The following COL4A5 variants were observed in gnomAD, a reference collection of about 807,000 sequenced individuals.
COL4A5 encodes collagen type IV alpha 5 chain.
Under a neutral mutation model 130.2 loss-of-function variants are expected in COL4A5, and 26 were observed. That is an observed-to-expected ratio of 0.20 (90% CI 0.15 to 0.28). The LOEUF (loss-of-function observed/expected upper bound fraction) is 0.28, where lower values mean the gene tolerates loss of function less well. COL4A5 is among the 10% of genes least tolerant of loss of function. The pLI, the probability that COL4A5 is intolerant of heterozygous loss-of-function variation, is 1.00. For missense variants in COL4A5, 1,131 were observed against 1,344.3 expected (o/e 0.84, Z 2.48); for synonymous variants, 496 against 439.6 (o/e 1.13, Z -1.60).
chrX:108,528,417 G>A (rs1204580119), intron 1 of COL4A5, among the ~76,000 whole-genome samples: 1 of 112,518 alleles, frequency 8.9e-6, no homozygotes, highest in East Asian at 2.8e-4. Flanking sequence ...AGAAATGATT[G>A]TTACACCAGA....
chrX:108,603,683 A>G (rs957558844), intron 28 of COL4A5, among the ~76,000 whole-genome samples: 3 of 111,381 alleles, frequency 2.7e-5, no homozygotes, highest in Admixed American at 9.6e-5. Context: ...TAAGACAACA[A>G]TGAAGTTTGC....
At chrX:108,596,788 G>A (rs762577914) in intron 22 of COL4A5, among the ~76,000 whole-genome samples, 1 of 112,210 alleles carries the variant, frequency 8.9e-6, no homozygotes, top group South Asian at 3.7e-4. Flanking sequence ...AACATGAAAT[G>A]TTAAATTTAT....
intron 2 of COL4A5, among the ~76,000 whole-genome samples, chrX:108,544,397 A>G (rs1384215943): frequency 8.9e-6 from 1 of 112,285 alleles, no homozygotes; most frequent in Non-Finnish European, 1.9e-5. Context: ...TTCTGTTTAT[A>G]TGCTGGATTA....
chrX:108,598,010 G>C, intron 24 of COL4A5, among the ~76,000 whole-genome samples: 1 of 110,052 alleles, frequency 9.1e-6, no homozygotes, highest in Non-Finnish European at 1.9e-5. Flanking sequence ...GGCCAACATG[G>C]TGAAACCCTG....
chrX:108,495,508 C>T (rs766981494), intron 1 of COL4A5, among the ~76,000 whole-genome samples: 11 of 110,823 alleles, frequency 9.9e-5, no homozygotes, highest in Non-Finnish European at 1.9e-4. Context: ...CAATAAAACC[C>T]CCCCAAATCC....
rs747041833 is a variant in COL4A5, at chrX:108,694,826, C to G, written c.4726C>G (p.Pro1576Ala). The G allele has an allele frequency of 2.5e-6, 3 of 1,206,466 alleles. No homozygotes were observed. Among genetic ancestry groups the G allele is most frequent in the Admixed American group, 2.2e-5 (1 of 45,679 alleles). Reference sequence around the variant, plus strand: ...TACCAGATGTGCAGTATGTGAAGCTCCAGCTGTGGTGATCGCAGTTCACAG... The same window carrying G: ...TACCAGATGTGCAGTATGTGAAGCTGCAGCTGTGGTGATCGCAGTTCACAG... ...FISRCAVCEA[P>A]AVVIAVHSQT... Residue 1576 changes from proline to alanine, a missense_variant, in exon 51 of 53, where the codon CCA becomes GCA. Coordinates refer to ENST00000328300, the MANE Select transcript of COL4A5 (RefSeq NM_033380.3).
intron 36 of COL4A5, among the ~76,000 whole-genome samples, chrX:108,650,851 A>G (rs1317483557): frequency 9.1e-6 from 1 of 110,174 alleles, no homozygotes; most frequent in Non-Finnish European, 1.9e-5. Context: ...TGATGGGTGC[A>G]CCAAAATCTC....
At chrX:108,620,484 C>A in intron 31 of COL4A5, 58 bp downstream of exon 31, 1 of 968,930 alleles carries the variant, frequency 1.0e-6, no homozygotes, top group Non-Finnish European at 1.5e-6. Flanking sequence ...TAATACGACT[C>A]TGGTAGATAA....
intron 36 of COL4A5, among the ~76,000 whole-genome samples, chrX:108,630,009 A>G (rs1202257777): frequency 8.9e-6 from 1 of 111,814 alleles, no homozygotes; most frequent in East Asian, 2.8e-4. Flanking sequence ...ATGGCTGCAT[A>G]GTATTCCATG....
At chrX:108,585,063 T>C (rs1424737248) in intron 18 of COL4A5, among the ~76,000 whole-genome samples, 1 of 112,119 alleles carries the variant, frequency 8.9e-6, no homozygotes, top group African/African-American at 3.2e-5. Context: ...TAATTGAGGG[T>C]GGCGGAGCTA....
At chrX:108,622,972 CTTCA>C (rs990886040) in intron 33 of COL4A5, 147 bp downstream of exon 33, 9 of 544,211 alleles carry the variant, frequency 1.7e-5, no homozygotes, top group African/African-American at 1.4e-4. Flanking sequence ...TTAATTTTCA[CTTCA>C]TTCATACTGT....
At chrX:108,493,242 T>G (rs756628940) in intron 1 of COL4A5, among the ~76,000 whole-genome samples, 36 of 111,714 alleles carry the variant, frequency 3.2e-4, no homozygotes, top group African/African-American at 1.1e-3. Context: ...TGCATCTGTT[T>G]TAGAGATTTC....
chrX:108,487,339 G>A (rs1216163813), intron 1 of COL4A5, among the ~76,000 whole-genome samples: 1 of 104,955 alleles, frequency 9.5e-6, no homozygotes, highest in African/African-American at 3.6e-5. Flanking sequence ...GCGGTGAGCC[G>A]AGATTGTGCC....
intron 1 of COL4A5, among the ~76,000 whole-genome samples, chrX:108,444,490 A>C (rs2064433669): frequency 8.9e-6 from 1 of 111,732 alleles, no homozygotes; most frequent in Non-Finnish European, 1.9e-5. Context: ...AAGTGCTGGG[A>C]TTACAGGCGT....
intron 2 of COL4A5, among the ~76,000 whole-genome samples, chrX:108,545,291 A>C (rs1340230274): frequency 9.0e-6 from 1 of 111,221 alleles, no homozygotes; most frequent in African/African-American, 3.3e-5. Context: ...TATGTCCCAG[A>C]GATTCTGGTA....
At chrX:108,593,798 A>G in intron 21 of COL4A5, among the ~76,000 whole-genome samples, 1 of 112,162 alleles carries the variant, frequency 8.9e-6, no homozygotes, top group Middle Eastern at 4.6e-3. Context: ...ATACGATACT[A>G]TCTTAATTAC....
intron 3 of COL4A5, 41 bp from the exon 4 acceptor site, chrX:108,563,840 CT>C (rs1173489637): frequency 3.5e-6 from 4 of 1,151,153 alleles, no homozygotes; most frequent in Admixed American, 2.2e-5. Context: ...TATTTGAGGA[CT>C]TTTTTGACGG....
chrX:108,576,089 A>G (rs2066145297), intron 10 of COL4A5, 117 bp downstream of exon 10: 2 of 511,343 alleles, frequency 3.9e-6, no homozygotes, highest in Non-Finnish European at 6.6e-6. Flanking sequence ...CATAATTTAT[A>G]ATTTTCTTAT....
chrX:108,481,565 G>A (rs1388217562), intron 1 of COL4A5, among the ~76,000 whole-genome samples: 1 of 112,011 alleles, frequency 8.9e-6, no homozygotes, highest in Non-Finnish European at 1.9e-5. Flanking sequence ...TAGGAACACT[G>A]TGATTGATTA....
Sources: allele counts gnomAD v4.1 joint callset (sites outside exome capture counted in the v4.1 genomes callset), GRCh38; gene constraint gnomAD v4.1.1; transcripts MANE v1.5; gene names NCBI Gene and HGNC (gene_info 2026-07-23, HGNC 2026-07-21).